Variants in SYTL2 observed in about 807,000 individuals in gnomAD.
The protein encoded by SYTL2 is synaptotagmin like 2.
In SYTL2, 165 loss-of-function variants were observed where a neutral mutation model predicts 198.7. The ratio of observed to expected loss-of-function variants is 0.83; its 90% CI spans 0.73 to 0.94. The LOEUF (loss-of-function observed/expected upper bound fraction) is 0.94, where lower values mean the gene tolerates loss of function less well. SYTL2 is among the 40% of genes least tolerant of loss of function. The pLI is 0.00. For synonymous variants in SYTL2, 966 were observed against 917.7 expected, an observed-to-expected ratio of 1.05 and a Z score of -0.95; for missense variants, 2,835 against 2,582.8, an observed-to-expected ratio of 1.10 and a Z score of -2.12.
chr11:85,700,316 GTTTTC>G (rs1030514182), intron 17 of SYTL2, among the ~76,000 whole-genome samples, 194 bp downstream of exon 17: 6 of 91,542 alleles, frequency 6.6e-5, no homozygotes, highest in African/African-American at 1.1e-4. Context: ...TAGATTTTAT[GTTTTC>G]TTTTTTTTTT....
chr11:85,710,618 G>A (rs1396735386), intron 13 of SYTL2, among the ~76,000 whole-genome samples: 1 of 152,148 alleles, frequency 6.6e-6, no homozygotes, highest in African/African-American at 2.4e-5. Flanking sequence ...AATCAAATCT[G>A]AGTAACTACA....
In SYTL2 at chr11:85,785,204, G is replaced by A. The variant is rs146487450; in HGVS notation, c.-390+25750C>T. On this transcript the variant is annotated intron_variant, in intron 1 of 19. Transcript: ENST00000359152. ...GCAAAACACCAATGAGGTCCCCTCT[G>A]TGGAATTCAGTCTTTCACCTCAGGA... Among the ~76,000 whole-genome samples the A allele has an allele frequency of 4.3e-3, 662 of 152,290 alleles. 6 individuals carry two copies. The highest frequency in any genetic ancestry group is 0.015 in the African/African-American group (633 of 41,544).
chr11:85,759,271 A>G (rs1410871591), intron 1 of SYTL2, among the ~76,000 whole-genome samples: 1 of 151,870 alleles, frequency 6.6e-6, no homozygotes, highest in Non-Finnish European at 1.5e-5. Flanking sequence ...GAAAGAAAAA[A>G]AAATTTTAAA....
the SYTL2 span, among the ~76,000 whole-genome samples, chr11:85,824,049 A>G: frequency 6.6e-6 from 1 of 152,216 alleles, no homozygotes; most frequent in Non-Finnish European, 1.5e-5. Context: ...CCACCCATGA[A>G]CATGTTTACA....
At chr11:85,820,869 G>T in the SYTL2 span, among the ~76,000 whole-genome samples, 1 of 152,222 alleles carries the variant, frequency 6.6e-6, no homozygotes, top group African/African-American at 2.4e-5. Context: ...AATTTTTAAA[G>T]TAAGTATACT....
At chr11:85,799,656 CCTT>C (rs1375898080) in intron 1 of SYTL2, among the ~76,000 whole-genome samples, 1 of 152,158 alleles carries the variant, frequency 6.6e-6, no homozygotes, top group Non-Finnish European at 1.5e-5. Context: ...AGCCTTTTGA[CCTT>C]CTGATTCTTA....
chr11:85,734,553 T>C lies in SYTL2; in HGVS notation c.776A>G (p.Gln259Arg), dbSNP rs761939684. The stretch of plus-strand genomic sequence containing the variant: ...TCTCGCTTTCAGGGAGTCTGTCCTT[T>C]GTCTAGGAAAAGACTGGTTATCATC... ...NKDDNQSFPRQRTDSLKARGA... is the reference protein window; with the variant it reads ...NKDDNQSFPRRRTDSLKARGA... Residue 259 changes from glutamine (Q) to arginine (R), a missense_variant, in exon 7 of 20, where the codon CAA (glutamine) becomes CGA (arginine). Gln to Arg is a conservative substitution (Grantham distance 43). Transcript: ENST00000359152. 6.2e-7 allele frequency: 1 copy of C among 1,614,118 alleles called. No homozygotes were observed. Among genetic ancestry groups the C allele is most frequent in the African/African-American group, 1.3e-5 (1 of 74,944 alleles).
At chr11:85,766,715 G>A (rs1303608748) in intron 1 of SYTL2, among the ~76,000 whole-genome samples, 4 of 152,184 alleles carry the variant, frequency 2.6e-5, no homozygotes. Flanking sequence ...GCCTCAGAGA[G>A]TTTAGATTCT....
At chr11:85,753,918 G>A (rs142013107) in intron 2 of SYTL2, among the ~76,000 whole-genome samples, 376 of 152,170 alleles carry the variant, frequency 2.5e-3, no homozygotes, top group African/African-American at 8.2e-3. Context: ...CTCATCTACC[G>A]CCATACTGAA....
At chr11:85,748,608 A>C (rs760731353) in intron 2 of SYTL2, among the ~76,000 whole-genome samples, 185 bp from the exon 3 acceptor site, 2 of 152,248 alleles carry the variant, frequency 1.3e-5, no homozygotes, top group African/African-American at 2.4e-5. Flanking sequence ...AGAGAAGACA[A>C]GGCCAACATT....
chr11:85,717,211 A>T lies in SYTL2; in HGVS notation c.5530+272T>A, dbSNP rs146068431. On this transcript the variant is annotated intron_variant, in intron 11 of 19. Coordinates refer to ENST00000359152, the MANE Select transcript of SYTL2 (RefSeq NM_206927.4). ...TTAAGCAGAGATTCAAACAGCATAG[A>T]GACTGACAAAAGCACAATAATATCA... 1,156 of 204,034 alleles carry T rather than the reference A, an allele frequency of 5.7e-3. 5 individuals are homozygous for T. The highest frequency in any genetic ancestry group is 9.4e-3 in the Admixed American group (169 of 17,962). 12.6% of individuals were successfully genotyped at this position (204,034 alleles called of 1,614,324 possible). A position where few individuals can be genotyped will look rare whatever the true frequency, so the allele number is the denominator to read the frequency against.
rs1565867556 is a variant in SYTL2, at chr11:85,707,442, TTA to T, written c.6003_6004del (p.Tyr2001Ter). On this transcript the variant is annotated stop_gained and frameshift_variant, in exon 15 of 20. Transcript: ENST00000359152. LOFTEE classifies it high-confidence loss of function. ...GTTCATAGATACCCGCAGTATTTCG[TTA>T]TACACAGGATTCAAGGTTTTCTTCA... is the stretch of plus-strand genomic sequence containing the variant. 1 of 1,613,482 alleles carries T rather than the reference TTA, an allele frequency of 6.2e-7. No individual in the cohort carries two copies.
chr11:85,772,898 T>C (rs1264257405), intron 1 of SYTL2, among the ~76,000 whole-genome samples: 1 of 152,244 alleles, frequency 6.6e-6, no homozygotes, highest in Non-Finnish European at 1.5e-5. Context: ...GTGATGGCCT[T>C]TCCTTTAAAG....
intron 1 of SYTL2, among the ~76,000 whole-genome samples, chr11:85,789,267 A>G (rs1047662907): frequency 3.9e-5 from 5 of 128,482 alleles, no homozygotes; most frequent in African/African-American, 1.6e-4. Flanking sequence ...TGGCTGATGT[A>G]TGTGTGTGTG....
rs1306487034 is a variant in SYTL2, at chr11:85,757,625, C to T, written c.101G>A (p.Arg34Lys). 6.2e-7 allele frequency: 1 copy of T among 1,613,680 alleles called. No individual in the cohort carries two copies. Among genetic ancestry groups the T allele is most frequent in the East Asian group, 2.2e-5 (1 of 44,888 alleles). Residue 34 changes from arginine (R) to lysine (K), a missense_variant and splice_region_variant, in exon 2 of 20, where the codon AGA becomes AAA. Coordinates refer to ENST00000359152, the MANE Select transcript of SYTL2 (RefSeq NM_206927.4). ...ALKRAEEERVRHLPEKIKDDQ... is the reference protein window; with the variant it reads ...ALKRAEEERVKHLPEKIKDDQ... The stretch of plus-strand genomic sequence containing the variant: ...GCCCAAGGCTTCTCTGGCCTCTTAC[C>T]TGACTCTCTCTTCTTCGGCCCTCTT...
At chr11:85,737,471 A>T in intron 5 of SYTL2, 104 bp downstream of exon 5, 1 of 867,960 alleles carries the variant, frequency 1.2e-6, no homozygotes, top group Non-Finnish European at 1.8e-6. Context: ...TGGTACCAAA[A>T]AACTGTACTA....
intron 1 of SYTL2, among the ~76,000 whole-genome samples, chr11:85,762,268 T>C (rs549481562): frequency 3.9e-4 from 59 of 152,168 alleles, no homozygotes; most frequent in Admixed American, 3.1e-3. Context: ...GCTACTACAG[T>C]GTCTTGCATT....
At chr11:85,801,465 A>T (rs529965716) in intron 1 of SYTL2, among the ~76,000 whole-genome samples, 1 of 152,202 alleles carries the variant, frequency 6.6e-6, no homozygotes, top group South Asian at 2.1e-4. Context: ...CCAACACATT[A>T]TGTACTCTCC....
chr11:85,833,071 G>T, the SYTL2 span, among the ~76,000 whole-genome samples: 5 of 45,468 alleles, frequency 1.1e-4, no homozygotes, highest in African/African-American at 3.7e-4. Flanking sequence ...AAGAAAGAAA[G>T]AAAGAAAGAA....
Sources: gnomAD v4.1 joint callset for allele counts (sites outside exome capture counted in the v4.1 genomes callset) on GRCh38, gnomAD v4.1.1 for gene constraint, MANE v1.5 for transcripts, NCBI Gene and HGNC (gene_info 2026-07-23, HGNC 2026-07-21) for gene names.